The following CRACD variants were observed in gnomAD, a reference collection of about 807,000 sequenced individuals.
CRACD encodes capping protein-inhibiting regulator of actin dynamics.
CRACD carries 56 observed loss-of-function variants against 106.8 expected under a neutral mutation model. The observed-to-expected ratio is 0.52, with a 90% CI of 0.42 to 0.66. CRACD has a LOEUF of 0.66. Ranked by LOEUF, CRACD falls within the 30% of genes least tolerant of loss-of-function variation. The pLI, the probability that CRACD is intolerant of heterozygous loss-of-function variation, is 0.00. For missense variants in CRACD, 1,730 were observed against 1,623.2 expected (o/e 1.07, Z -1.13); for synonymous variants, 754 against 670.8 (o/e 1.12, Z -1.92).
intron 3 of CRACD, among the ~76,000 whole-genome samples, chr4:56,283,484 G>A (rs533178): frequency 0.75 from 113,929 of 152,036 alleles, 43,347 homozygotes; most frequent in African/African-American, 0.88. Flanking sequence ...GCTTCCTAGG[G>A]CAGAAATCAA....
At chr4:56,066,505 T>A (rs1732471044) in intron 1 of CRACD, among the ~76,000 whole-genome samples, 1 of 152,168 alleles carries the variant, frequency 6.6e-6, no homozygotes. Flanking sequence ...TTCATGCCAC[T>A]GCACTCCAGC....
intron 5 of CRACD, chr4:56,308,760 G>C (rs547612021): frequency 6.0e-5 from 59 of 985,208 alleles, no homozygotes; most frequent in Non-Finnish European, 6.6e-5. Flanking sequence ...CATCTCTCCC[G>C]GCAGCTCTAA....
intron 1 of CRACD, among the ~76,000 whole-genome samples, chr4:56,163,940 G>T (rs1424868827): frequency 6.6e-6 from 1 of 151,986 alleles, no homozygotes; most frequent in East Asian, 1.9e-4. Context: ...TAGAGACGGG[G>T]TTTCACCATG....
At chr4:56,049,945 C>T (rs535911621) in intron 1 of CRACD, 1 of 151,972 alleles carries the variant, frequency 6.6e-6, no homozygotes, top group Non-Finnish European at 1.5e-5. Context: ...GTTTTCCTGG[C>T]ACTATAACCG....
rs1466749093 is a variant in CRACD, at chr4:56,315,006, C to G, written c.1504C>G (p.Gln502Glu). Reference sequence around the variant, plus strand: ...ACAAGAGGGGCCGGTGGAAGCCGCGCAGCCTCCGGTGGAGAGGAAAGAAGC... The same window carrying G: ...ACAAGAGGGGCCGGTGGAAGCCGCGGAGCCTCCGGTGGAGAGGAAAGAAGC... ...LKQEGPVEAA[Q>E]PPVERKEAAA... Residue 502 changes from glutamine to glutamate, a missense_variant, in exon 8 of 11, where the codon CAG becomes GAG. By Grantham distance (29) the Gln-to-Glu change is conservative. Around this residue, in one of 5 missense-constraint regions of CRACD, gnomAD observed 1,620 missense variants for 1,481.6 expected, o/e 1.09. Transcript: ENST00000682029. This position sits in a 1 kb window ranked among gnomAD's most constrained non-coding sequence, Gnocchi z 4.1. 2 of 1,587,830 alleles carry G rather than the reference C, an allele frequency of 1.3e-6. No individual in the cohort carries two copies. The highest frequency in any genetic ancestry group is 2.7e-5 in the African/African-American group (2 of 74,680).
chr4:56,220,434 T>A (rs1738967300), intron 2 of CRACD, among the ~76,000 whole-genome samples: 1 of 152,114 alleles, frequency 6.6e-6, no homozygotes, highest in African/African-American at 2.4e-5. Flanking sequence ...CAAGGATAAG[T>A]TGGAGTTCTT....
intron 1 of CRACD, among the ~76,000 whole-genome samples, chr4:56,108,845 C>G (rs1734028905): frequency 6.6e-6 from 1 of 152,244 alleles, no homozygotes; most frequent in Non-Finnish European, 1.5e-5. Flanking sequence ...TCTTCTACTT[C>G]TATCTACTAC....
intron 1 of CRACD, among the ~76,000 whole-genome samples, chr4:56,082,969 A>G (rs1733086036): frequency 6.6e-6 from 1 of 152,194 alleles, no homozygotes; most frequent in Non-Finnish European, 1.5e-5. Context: ...AAAGATACAC[A>G]GATAAAGAGC....
chr4:56,176,254 T>A (rs1260309924), intron 1 of CRACD, among the ~76,000 whole-genome samples: 7 of 152,180 alleles, frequency 4.6e-5, no homozygotes, highest in Non-Finnish European at 4.4e-5. Flanking sequence ...TTTCTTTAGC[T>A]ATTCAGGGTC....
At position 56,316,262 on chromosome 4, in the gene CRACD, C is replaced by T. The variant is rs778816062; in HGVS notation, c.2760C>T (p.Ser920=). 3 of 1,613,994 alleles carry T rather than the reference C, an allele frequency of 1.9e-6. No homozygotes were observed. The highest frequency in any genetic ancestry group is 1.1e-5 in the South Asian group (1 of 91,082). Residue 920 remains serine (S), a synonymous_variant, in exon 8 of 11, where the codon TCC becomes TCT. Transcript: ENST00000682029. Reference sequence around the variant, plus strand: ...AAGCCCCTTCCACCCGGAGGGACTCCGCTGAACCTTCCAGCAGCCGCTCTG... The same window carrying T: ...AAGCCCCTTCCACCCGGAGGGACTCTGCTGAACCTTCCAGCAGCCGCTCTG... ...RKQAPSTRRD[S]AEPSSSRSVP...
At position 56,313,273 on chromosome 4, in the gene CRACD, C is replaced by A; in HGVS notation, c.431C>A (p.Ala144Asp). The A allele has an allele frequency of 1.9e-6, 3 of 1,614,208 alleles. No homozygotes were observed. Among genetic ancestry groups the A allele is most frequent in the Non-Finnish European group, 2.5e-6 (3 of 1,180,030 alleles). The stretch of plus-strand genomic sequence containing the variant: ...ACCATCGAAAGTGTCAACTTAGATG[C>A]CATCCCCCTGGCCATCGCTCGCCTG... The part of the protein sequence containing the change: ...AGTIESVNLD[A>D]IPLAIARLDN... Residue 144 changes from alanine (A) to aspartate (D), a missense_variant, in exon 7 of 11, where the codon GCC becomes GAC. Physicochemically the swap from Ala to Asp is moderately radical, Grantham distance 126. Around this residue, in one of 5 missense-constraint regions of CRACD, gnomAD observed 1,620 missense variants for 1,481.6 expected, o/e 1.09. Transcript: ENST00000682029.
At position 56,324,126 on chromosome 4, in the gene CRACD, G is replaced by C; in HGVS notation, c.3401G>C (p.Gly1134Ala). 1.9e-6 allele frequency: 3 copies of C among 1,612,994 alleles called. No homozygotes were observed. Among genetic ancestry groups the C allele is most frequent in the Non-Finnish European group, 2.5e-6 (3 of 1,179,512 alleles). The change falls in exon 10 of 11, where the codon GGA becomes GCA. Residue 1134 changes from glycine (G) to alanine (A), a missense_variant. Coordinates refer to ENST00000682029, the MANE Select transcript of CRACD (RefSeq NM_001393381.1). The part of the protein sequence containing the change: ...KENVSVSVQP[G>A]SSSVSRAGSL... ...CAGGTCAGTGTCAGCGTGCAGCCTGGAAGCAGCAGTGTCAGCAGAGCAGGT... is the reference window on the plus strand; with the variant it reads ...CAGGTCAGTGTCAGCGTGCAGCCTGCAAGCAGCAGTGTCAGCAGAGCAGGT...
intron 3 of CRACD, among the ~76,000 whole-genome samples, chr4:56,284,013 A>C (rs1743179616): frequency 6.6e-6 from 1 of 152,176 alleles, no homozygotes. Flanking sequence ...AGCTTTCTGC[A>C]GTGACCTCCT....
intron 2 of CRACD, among the ~76,000 whole-genome samples, chr4:56,187,321 G>C (rs572719285): frequency 6.6e-6 from 1 of 152,182 alleles, no homozygotes; most frequent in Admixed American, 6.5e-5. Context: ...GGTGTCATTC[G>C]AGCTGTCTTG....
At position 56,327,904 on chromosome 4, in the gene CRACD, AAAG is replaced by A. The variant is rs1203562266; in HGVS notation, c.*104_*106del. The A allele has an allele frequency of 1.9e-6, 2 of 1,071,834 alleles. No individual in the cohort carries two copies. The highest frequency in any genetic ancestry group is 2.7e-6 in the Non-Finnish European group (2 of 743,630). 66.4% of individuals were successfully genotyped at this position (1,071,834 alleles called of 1,614,324 possible). A position where few individuals can be genotyped will look rare whatever the true frequency, so the allele number is the denominator to read the frequency against. ...TGGGGTAAAGAAATCAAGCTAGGGA[AAAG>A]AAGCATGTTTTATAGGCTCCAAAAT... On this transcript the variant is annotated 3_prime_UTR_variant, in exon 11 of 11. Coordinates refer to ENST00000682029, the MANE Select transcript of CRACD (RefSeq NM_001393381.1).
In CRACD at chr4:56,327,881, G is replaced by T. The variant is rs991145875; in HGVS notation, c.*77G>T. On this transcript the variant is annotated 3_prime_UTR_variant, in exon 11 of 11. Coordinates refer to ENST00000682029, the MANE Select transcript of CRACD (RefSeq NM_001393381.1). Reference sequence around the variant, plus strand: ...TTTTTATTTATTTATTTTTTATATGGGGTAAAGAAATCAAGCTAGGGAAAA... The same window carrying T: ...TTTTTATTTATTTATTTTTTATATGTGGTAAAGAAATCAAGCTAGGGAAAA... 1.5e-6 allele frequency: 2 copies of T among 1,294,732 alleles called. No homozygotes were observed. The highest frequency in any genetic ancestry group is 2.1e-6 in the Non-Finnish European group (2 of 930,784). 80.2% of individuals were successfully genotyped at this position (1,294,732 alleles called of 1,614,324 possible).
At chr4:56,079,482 G>T (rs1440350792) in intron 1 of CRACD, among the ~76,000 whole-genome samples, 9 of 142,504 alleles carry the variant, frequency 6.3e-5, no homozygotes, top group Non-Finnish European at 9.1e-5. Context: ...GTTTTGTTCT[G>T]TCATGCAGGC....
At chr4:56,176,303 A>G (rs1390599426) in intron 1 of CRACD, among the ~76,000 whole-genome samples, 1 of 151,884 alleles carries the variant, frequency 6.6e-6, no homozygotes, top group Admixed American at 6.6e-5. Context: ...TGCATTTTCT[A>G]TTTCTCTGAA....
chr4:56,315,466 G>A lies in CRACD; in HGVS notation c.1964G>A (p.Arg655His), dbSNP rs7672073. 5 of 1,613,020 alleles carry A rather than the reference G, an allele frequency of 3.1e-6. No homozygotes were observed. In the African/African-American group the frequency reaches 4.0e-5, roughly 13 times the overall value. ...GCGGGCAGCGGGAAGGCTAAGCCCC[G>A]CCAGGAGTCTCCCAGCAGCGCGTCC... The part of the protein sequence containing the change: ...ARAGSGKAKP[R>H]QESPSSASAL... The change falls in exon 8 of 11, where the codon CGC becomes CAC. Residue 655 changes from arginine (R) to histidine (H), a missense_variant. Coordinates refer to ENST00000682029, the MANE Select transcript of CRACD (RefSeq NM_001393381.1). This position sits in a 1 kb window ranked among gnomAD's most constrained non-coding sequence, Gnocchi z 4.1.
Sources: allele counts gnomAD v4.1 joint callset (sites outside exome capture counted in the v4.1 genomes callset), GRCh38; gene constraint gnomAD v4.1.1; regional missense constraint gnomAD v4.1.1; non-coding constraint Gnocchi (gnomAD v3.1); transcripts MANE v1.5; gene names NCBI Gene and HGNC (gene_info 2026-07-23, HGNC 2026-07-21).